ASIC2: variants seen among roughly 807,000 people sequenced by gnomAD.
ASIC2 encodes acid-sensing ion channel 2.
A neutral mutation model predicts 57.3 loss-of-function variants in ASIC2; 25 were observed. The ratio of observed to expected loss-of-function variants is 0.44; its 90% CI spans 0.32 to 0.61. The LOEUF (loss-of-function observed/expected upper bound fraction) is 0.61, where lower values mean the gene tolerates loss of function less well. ASIC2 is among the 20% of genes least tolerant of loss of function. The pLI, the probability that ASIC2 is intolerant of heterozygous loss-of-function variation, is 0.06. For missense variants in ASIC2, 641 were observed against 738.1 expected (o/e 0.87, Z 1.52); for synonymous variants, 319 against 307.5 (o/e 1.04, Z -0.39).
intron 1 of ASIC2, among the ~76,000 whole-genome samples, chr17:33,240,564 G>A (rs749819522): frequency 2.0e-5 from 3 of 152,214 alleles, no homozygotes; most frequent in Non-Finnish European, 4.4e-5. Flanking sequence ...CAGCTCAGAC[G>A]TGGAGTTCTT....
intron 1 of ASIC2, among the ~76,000 whole-genome samples, chr17:34,107,063 A>T (rs889378044): frequency 6.6e-6 from 1 of 152,218 alleles, no homozygotes; most frequent in East Asian, 1.9e-4. Flanking sequence ...TCACTTAAAC[A>T]TATATACACA....
chr17:34,146,388 T>C (rs189080384), intron 1 of ASIC2, among the ~76,000 whole-genome samples: 173 of 152,320 alleles, frequency 1.1e-3, no homozygotes, highest in African/African-American at 3.9e-3. Context: ...TTGGGTTCCC[T>C]ATCAGAGCCT....
At chr17:33,370,959 T>C (rs562752821) in intron 1 of ASIC2, among the ~76,000 whole-genome samples, 1 of 151,584 alleles carries the variant, frequency 6.6e-6, no homozygotes, top group Admixed American at 6.6e-5. Flanking sequence ...ATAGACAGCG[T>C]AGGGTGTTCA....
At chr17:33,905,480 T>C (rs573968283) in intron 1 of ASIC2, among the ~76,000 whole-genome samples, 2 of 152,356 alleles carry the variant, frequency 1.3e-5, no homozygotes, top group South Asian at 4.1e-4. Context: ...GCTTGTCCTC[T>C]GCTGCTGGCT....
At position 34,084,649 on chromosome 17, in the gene ASIC2, C is replaced by T. The variant is rs867312868; in HGVS notation, c.555+71329G>A. The stretch of plus-strand genomic sequence containing the variant: ...ACCTTGGGCAGTATGGCCATTTTCA[C>T]GATATTGATTCTTCCTACCCATGAG... On this transcript the variant is annotated intron_variant, in intron 1 of 9. Transcript: ENST00000359872. Among the ~76,000 whole-genome samples, 116 of 152,132 alleles carry T rather than the reference C, an allele frequency of 7.6e-4. 1 individual carries two copies. The highest frequency in any genetic ancestry group is 2.6e-3 in the African/African-American group (108 of 41,454).
At chr17:34,038,731 A>G (rs1036563770) in intron 1 of ASIC2, 59 of 1,606,594 alleles carry the variant, frequency 3.7e-5, no homozygotes, top group Non-Finnish European at 4.7e-5. Context: ...CTTCTTGTTC[A>G]TGGTATTCTT....
In ASIC2 at chr17:33,882,511, T is replaced by A. The variant is rs1914728068; in HGVS notation, c.555+273467A>T. On this transcript the variant is annotated intron_variant, in intron 1 of 9. Coordinates refer to the ASIC2 transcript ENST00000359872. Reference sequence around the variant, plus strand: ...TGCAGCCAACAGACACATGAAAAAATGCTCATCACCACTGGCCATCAGAGA... The same window carrying A: ...TGCAGCCAACAGACACATGAAAAAAAGCTCATCACCACTGGCCATCAGAGA... Among the ~76,000 whole-genome samples, 4 of 152,066 alleles carry A rather than the reference T, an allele frequency of 2.6e-5. 1 individual carries two copies. Among genetic ancestry groups the A allele is most frequent in the Admixed American group, 2.6e-4 (4 of 15,266 alleles).
At chr17:33,745,819 T>C (rs1462669898) in intron 1 of ASIC2, among the ~76,000 whole-genome samples, 1 of 152,138 alleles carries the variant, frequency 6.6e-6, no homozygotes, top group African/African-American at 2.4e-5. Flanking sequence ...ATGTTGAAAG[T>C]AAATAAGCCT....
At chr17:33,601,450 A>T (rs753854083) in intron 1 of ASIC2, among the ~76,000 whole-genome samples, 5 of 152,158 alleles carry the variant, frequency 3.3e-5, no homozygotes, top group Non-Finnish European at 7.4e-5. Flanking sequence ...GCTGTGGCTC[A>T]GGCAGGCCCA....
chr17:33,645,674 TG>T (rs1226784515), intron 1 of ASIC2, among the ~76,000 whole-genome samples: 2 of 152,172 alleles, frequency 1.3e-5, no homozygotes, highest in Non-Finnish European at 2.9e-5. Context: ...ATCTGACCTT[TG>T]CAGGCCAAAG....
At chr17:33,500,040 T>TG (rs1567631755) in intron 1 of ASIC2, among the ~76,000 whole-genome samples, 1 of 149,058 alleles carries the variant, frequency 6.7e-6, no homozygotes, top group African/African-American at 2.5e-5. Context: ...ACAGTTTAAT[T>TG]AAAAAAAAAG....
chr17:34,134,868 C>T (rs1358660917), intron 1 of ASIC2, among the ~76,000 whole-genome samples: 3 of 152,208 alleles, frequency 2.0e-5, no homozygotes, highest in African/African-American at 2.4e-5. Context: ...CCCCTACCTT[C>T]GCCCACCCAT....
chr17:33,152,367 T>G (rs1904836741), intron 1 of ASIC2, among the ~76,000 whole-genome samples: 1 of 152,188 alleles, frequency 6.6e-6, no homozygotes, highest in Admixed American at 6.5e-5. Flanking sequence ...TGCCAAGTGC[T>G]CTAGTGTTTC....
At chr17:33,604,927 A>G (rs573430200) in intron 1 of ASIC2, among the ~76,000 whole-genome samples, 2 of 152,088 alleles carry the variant, frequency 1.3e-5, no homozygotes, top group African/African-American at 4.8e-5. Context: ...TTAGAATCAG[A>G]CCCCAGCCTA....
chr17:34,103,288 G>A (rs1454338813), intron 1 of ASIC2, among the ~76,000 whole-genome samples: 1 of 152,036 alleles, frequency 6.6e-6, no homozygotes, highest in East Asian at 1.9e-4. Flanking sequence ...TGGGACCACA[G>A]GCATGTGCCA....
intron 1 of ASIC2, chr17:33,792,671 A>G (rs1911807397): frequency 6.6e-6 from 1 of 152,306 alleles, no homozygotes; most frequent in Admixed American, 6.5e-5. Context: ...AAAAGAAAAT[A>G]CCTGTCTTTG....
At chr17:33,609,991 C>T (rs1469926957) in intron 1 of ASIC2, among the ~76,000 whole-genome samples, 2 of 151,686 alleles carry the variant, frequency 1.3e-5, no homozygotes, top group East Asian at 1.9e-4. Context: ...TGCTGGCACC[C>T]TCGCCTGACA....
At chr17:33,474,356 G>A (rs1242599561) in intron 1 of ASIC2, among the ~76,000 whole-genome samples, 1 of 152,046 alleles carries the variant, frequency 6.6e-6, no homozygotes, top group African/African-American at 2.4e-5. Flanking sequence ...CACAGAGCAC[G>A]ACTCCTTGCA....
At chr17:33,404,163 T>C (rs1567850002) in intron 1 of ASIC2, among the ~76,000 whole-genome samples, 1 of 152,194 alleles carries the variant, frequency 6.6e-6, no homozygotes, top group Non-Finnish European at 1.5e-5. Context: ...TGCTTAGTGG[T>C]TGCTAGAACT....
Sources: allele counts gnomAD v4.1 joint callset (sites outside exome capture counted in the v4.1 genomes callset), GRCh38; gene constraint gnomAD v4.1.1; transcripts MANE v1.5; gene names NCBI Gene and HGNC (gene_info 2026-07-23, HGNC 2026-07-21).